The following ZNF423 variants were observed in gnomAD, a reference collection of about 807,000 sequenced individuals.
ZNF423 encodes Ebf-associated zinc finger protein.
ZNF423 carries 12 observed loss-of-function variants against 95.8 expected under a neutral mutation model. The observed-to-expected ratio is 0.13, with a 90% CI of 0.08 to 0.20. The LOEUF (loss-of-function observed/expected upper bound fraction) is 0.20, where lower values mean the gene tolerates loss of function less well. ZNF423 is among the 10% of genes least tolerant of loss of function. The probability of loss-of-function intolerance (pLI) is 1.00; values close to 1 mark genes in which losing one functional copy is unlikely to be tolerated. For missense variants in ZNF423, 1,316 were observed against 1,737.1 expected (o/e 0.76, Z 4.31); for synonymous variants, 749 against 711.9 (o/e 1.05, Z -0.83).
intron 7 of ZNF423, among the ~76,000 whole-genome samples, chr16:49,520,064 T>C (rs927214073): frequency 6.6e-6 from 1 of 152,112 alleles, no homozygotes; most frequent in African/African-American, 2.4e-5. Context: ...TCTAGCCCAT[T>C]ATTTGGTTTT....
intron 5 of ZNF423, among the ~76,000 whole-genome samples, chr16:49,591,413 A>C (rs1040317094): frequency 1.3e-5 from 2 of 152,194 alleles, no homozygotes; most frequent in African/African-American, 4.8e-5. Context: ...GTCTACTGAA[A>C]ACTAAACATA....
At position 49,515,509 on chromosome 16, in the gene ZNF423, C is replaced by T. The variant is rs528551428; in HGVS notation, c.3849+8115G>A. On this transcript the variant is annotated intron_variant, in intron 7 of 7. Transcript: ENST00000563137. ...GGCTCTGCCATTTGCAAATGACCCT[C>T]GGCAAACCGCTTAACTTCTCAGAGC... Among the ~76,000 whole-genome samples the T allele has an allele frequency of 5.3e-4, 80 of 152,342 alleles. 1 individual carries two copies. The South Asian group carries it at 0.015, about 29-fold the overall frequency.
intron 5 of ZNF423, among the ~76,000 whole-genome samples, chr16:49,546,634 G>A (rs1969453756): frequency 1.3e-5 from 2 of 152,176 alleles, no homozygotes; most frequent in Non-Finnish European, 2.9e-5. Context: ...CATAGTGAGC[G>A]CGCACAGCAG....
upstream of ZNF423, chr16:49,858,053 C>T (rs8050598): frequency 0.24 from 37,054 of 152,092 alleles, 4,624 homozygotes; most frequent in African/African-American, 0.28. This position sits in a 1 kb window ranked among gnomAD's most constrained non-coding sequence, Gnocchi z 4.3. Flanking sequence ...CACCTTGGGC[C>T]GGCGCGCCCC....
At chr16:49,743,397 A>C (rs1375102396) in intron 2 of ZNF423, among the ~76,000 whole-genome samples, 1 of 152,036 alleles carries the variant, frequency 6.6e-6, no homozygotes, top group African/African-American at 2.4e-5. Flanking sequence ...CTGGGCATGC[A>C]AGCTCCAGGC....
intron 3 of ZNF423, among the ~76,000 whole-genome samples, chr16:49,655,282 A>G (rs1184408833): frequency 1.3e-5 from 2 of 152,184 alleles, no homozygotes; most frequent in Admixed American, 6.5e-5. Flanking sequence ...GGCCCTGGCA[A>G]CCACCAACAC....
At chr16:49,811,782 C>A (rs745950973) in intron 1 of ZNF423, among the ~76,000 whole-genome samples, 8 of 149,348 alleles carry the variant, frequency 5.4e-5, no homozygotes, top group Non-Finnish European at 1.0e-4. Flanking sequence ...GCCCTGTCAG[C>A]TGCCCAGGCC....
intron 2 of ZNF423, among the ~76,000 whole-genome samples, chr16:49,765,285 G>A (rs1054804857): frequency 1.3e-5 from 2 of 152,150 alleles, no homozygotes; most frequent in African/African-American, 2.4e-5. Context: ...TTCATTTTGG[G>A]AAGATGAAAA....
intron 2 of ZNF423, among the ~76,000 whole-genome samples, chr16:49,780,248 G>A (rs376930273): frequency 4.6e-5 from 7 of 152,214 alleles, no homozygotes; most frequent in East Asian, 1.9e-4. Flanking sequence ...GCATGTCGAC[G>A]AGGAAGCCAA....
intron 5 of ZNF423, among the ~76,000 whole-genome samples, chr16:49,593,296 G>T (rs1244417781): frequency 1.3e-5 from 2 of 152,092 alleles, no homozygotes; most frequent in Non-Finnish European, 2.9e-5. Flanking sequence ...TTAGCCAGGG[G>T]TGGTGGCACG....
intron 2 of ZNF423, among the ~76,000 whole-genome samples, chr16:49,786,377 C>T (rs772128111): frequency 6.6e-6 from 1 of 152,204 alleles, no homozygotes; most frequent in Non-Finnish European, 1.5e-5. Context: ...TATTGCAGTT[C>T]TCCATCACAC....
chr16:49,689,117 C>T (rs531203746), intron 3 of ZNF423, among the ~76,000 whole-genome samples: 3 of 152,154 alleles, frequency 2.0e-5, no homozygotes, highest in South Asian at 4.2e-4. Context: ...TGTGTTTACC[C>T]GGGGCATGGG....
chr16:49,677,314 AGGGGAAGG>A (rs1567284180), intron 3 of ZNF423, among the ~76,000 whole-genome samples: 4 of 68,440 alleles, frequency 5.8e-5, no homozygotes, highest in African/African-American at 1.2e-4. Flanking sequence ...AAGAGAAAGG[AGGGGAAGG>A]GAGGGGAGGG....
chr16:49,497,144 C>A (rs1431390911), intron 7 of ZNF423, among the ~76,000 whole-genome samples: 1 of 152,122 alleles, frequency 6.6e-6, no homozygotes, highest in Non-Finnish European at 1.5e-5. Flanking sequence ...GGGAGGACAG[C>A]CTCAGGGAGA....
chr16:49,833,930 C>CCACA (rs1369477722), intron 1 of ZNF423, among the ~76,000 whole-genome samples: 1 of 152,148 alleles, frequency 6.6e-6, no homozygotes, highest in African/African-American at 2.4e-5. Flanking sequence ...GGCCACTGGA[C>CCACA]CACAGAACTG....
chr16:49,605,042 C>T (rs1224321352), intron 5 of ZNF423, among the ~76,000 whole-genome samples: 1 of 152,228 alleles, frequency 6.6e-6, no homozygotes, highest in African/African-American at 2.4e-5. Context: ...ATGCCCATAA[C>T]AGCCCACTCT....
chr16:49,698,807 A>T (rs888730894), intron 3 of ZNF423, among the ~76,000 whole-genome samples: 1 of 152,254 alleles, frequency 6.6e-6, no homozygotes. Context: ...AGCCGCCTGC[A>T]TCATTAAAAC....
intron 2 of ZNF423, among the ~76,000 whole-genome samples, chr16:49,753,370 G>C (rs2033666430): frequency 6.6e-6 from 1 of 151,786 alleles, no homozygotes; most frequent in Non-Finnish European, 1.5e-5. Context: ...GCGAAGCTGA[G>C]GTGGGAGGAT....
chr16:49,648,016 T>C (rs1378503647), intron 3 of ZNF423, among the ~76,000 whole-genome samples: 2 of 152,100 alleles, frequency 1.3e-5, no homozygotes, highest in African/African-American at 4.8e-5. Flanking sequence ...AATGGAAACA[T>C]AGATATTAAT....
Sources: gnomAD v4.1 joint callset for allele counts (sites outside exome capture counted in the v4.1 genomes callset) on GRCh38, gnomAD v4.1.1 for gene constraint, Gnocchi (gnomAD v3.1) non-coding constraint, MANE v1.5 for transcripts, NCBI Gene and HGNC (gene_info 2026-07-23, HGNC 2026-07-21) for gene names.